The following NTRK3 variants were observed in gnomAD, a reference collection of about 807,000 sequenced individuals.
NTRK3 encodes the protein neurotrophic receptor tyrosine kinase 3.
Under a neutral mutation model 91.7 loss-of-function variants are expected in NTRK3, and 24 were observed. The ratio of observed to expected loss-of-function variants is 0.26; its 90% CI spans 0.19 to 0.37. NTRK3 has a LOEUF of 0.37. Ranked by LOEUF, NTRK3 falls within the 10% of genes least tolerant of loss-of-function variation. The pLI is 1.00. For synonymous variants in NTRK3, 483 were observed against 404.0 expected (o/e 1.20, Z -2.34); for missense variants, 880 against 1,068.9 (o/e 0.82, Z 2.46).
chr15:87,875,520 G>A (rs372365261), exon 19 of NTRK3: 42 of 232,510 alleles, frequency 1.8e-4, no homozygotes, highest in African/African-American at 7.5e-4. Context: ...AGCACTGGCC[G>A]CTCATTGGAC....
chr15:87,913,054 A>G (rs1022486715), intron 17 of NTRK3, among the ~76,000 whole-genome samples: 1 of 149,382 alleles, frequency 6.7e-6, no homozygotes, highest in African/African-American at 2.4e-5. Flanking sequence ...CTGTATCTAG[A>G]CTACTAAACA....
At chr15:88,140,736 G>T (rs1008785283) in intron 6 of NTRK3, among the ~76,000 whole-genome samples, 1 of 152,190 alleles carries the variant, frequency 6.6e-6, no homozygotes, top group Non-Finnish European at 1.5e-5. Context: ...GCAAATAATG[G>T]CTCAGTGTTA....
rs772375698 is a variant in NTRK3 at position 88,135,884 on chromosome 15, A to G, written c.907+15T>C. 13 of 1,613,794 alleles carry G rather than the reference A, an allele frequency of 8.1e-6. No homozygotes were observed. The African/African-American group carries it at 1.5e-4, about 18-fold the overall frequency. On this transcript the variant is annotated intron_variant, in intron 9 of 18. Coordinates refer to ENST00000394480, the Ensembl canonical transcript of NTRK3. ...CCCTCACACACAGCCATCCCCCACA[A>G]TAACATGCACTTACAGTAGACAGTG...
Position 88,243,140 on chromosome 15 carries a change from G to T in NTRK3, c.248+12766C>A, listed in dbSNP as rs1041922088. ...TTCCATTTCTTTCTTGCTCCTGAGT[G>T]CCTCAAAGACAAGGTTTCTGCCAAG... On this transcript the variant is annotated intron_variant, in intron 3 of 18. Transcript: ENST00000394480. This position sits in a 1 kb window ranked among gnomAD's most constrained non-coding sequence, Gnocchi z 4.8. Among the ~76,000 whole-genome samples the T allele has an allele frequency of 3.9e-5, 6 of 152,174 alleles. No individual in the cohort carries two copies. Among genetic ancestry groups the T allele is most frequent in the Non-Finnish European group, 8.8e-5 (6 of 68,028 alleles).
At chr15:87,990,575 A>G (rs1000790034) in intron 14 of NTRK3, among the ~76,000 whole-genome samples, 1 of 152,194 alleles carries the variant, frequency 6.6e-6, no homozygotes, top group African/African-American at 2.4e-5. Context: ...TTATGGTACC[A>G]TCCTGACCAG....
At chr15:87,970,139 C>G (rs991130845) in intron 14 of NTRK3, among the ~76,000 whole-genome samples, 3 of 152,170 alleles carry the variant, frequency 2.0e-5, no homozygotes, top group African/African-American at 7.2e-5. Context: ...AGGTAACTTA[C>G]CCCATGTCAT....
intron 5 of NTRK3, among the ~76,000 whole-genome samples, chr15:88,180,261 A>T (rs943580046): frequency 1.3e-5 from 2 of 152,206 alleles, no homozygotes; most frequent in Admixed American, 6.5e-5. Context: ...AAAATCCTTA[A>T]TCCAGAATTC....
exon 1 of NTRK3, chr15:88,256,724 A>G (rs2054088963): frequency 2.8e-6 from 1 of 362,168 alleles, no homozygotes; most frequent in Non-Finnish European, 4.9e-6. Flanking sequence ...GCGCGGCTGC[A>G]GAAATGTACA....
In NTRK3 at chr15:88,255,989, G is replaced by C. The variant is rs1044833262; in HGVS notation, c.165C>G (p.Pro55=). 3 of 1,613,572 alleles carry C rather than the reference G, an allele frequency of 1.9e-6. No homozygotes were observed. The highest frequency in any genetic ancestry group is 1.7e-5 in the Admixed American group (1 of 59,974). Residue 55 remains proline, a synonymous_variant, in exon 3 of 19, where the codon CCC becomes CCG. Transcript: ENST00000394480. The surrounding 1 kb of genome is among the most constrained non-coding windows in gnomAD (Gnocchi z 4.3). Reference sequence around the variant, plus strand: ...TCCCTGAATCCTGCCCTTCCAGGAGGGGGAAGAGGTTCCCATCGTCCGGCC... The same window carrying C: ...TCCCTGAATCCTGCCCTTCCAGGAGCGGGAAGAGGTTCCCATCGTCCGGCC...
intron 14 of NTRK3, among the ~76,000 whole-genome samples, chr15:87,982,406 G>T (rs938440221): frequency 6.6e-6 from 1 of 152,136 alleles, no homozygotes; most frequent in Non-Finnish European, 1.5e-5. Context: ...CAAATCAAAG[G>T]CATTTCCAAA....
At chr15:88,024,161 C>G (rs747724643) in intron 14 of NTRK3, among the ~76,000 whole-genome samples, 15 of 152,138 alleles carry the variant, frequency 9.9e-5, no homozygotes, top group Non-Finnish European at 1.6e-4. Context: ...GTTAATTGAC[C>G]CAGAAGAAAA....
intron 14 of NTRK3, among the ~76,000 whole-genome samples, chr15:87,974,935 G>A (rs1246704300): frequency 6.6e-6 from 1 of 152,134 alleles, no homozygotes; most frequent in African/African-American, 2.4e-5. Context: ...TCCAGGAGCA[G>A]AAGATGTGCT....
intron 17 of NTRK3, among the ~76,000 whole-genome samples, chr15:87,908,814 G>A (rs536567178): frequency 1.2e-4 from 19 of 152,114 alleles, no homozygotes; most frequent in African/African-American, 4.6e-4. Flanking sequence ...CAAGGCACTC[G>A]GGGCTCCACC....
intron 5 of NTRK3, among the ~76,000 whole-genome samples, chr15:88,153,389 T>C (rs997944380): frequency 1.3e-5 from 2 of 152,072 alleles, no homozygotes; most frequent in African/African-American, 2.4e-5. Flanking sequence ...ATTAAAGGCA[T>C]GTGCCACCAC....
chr15:88,207,854 G>A (rs1195654213), intron 3 of NTRK3, among the ~76,000 whole-genome samples: 1 of 152,178 alleles, frequency 6.6e-6, no homozygotes, highest in Non-Finnish European at 1.5e-5. Flanking sequence ...AAGATTCTCA[G>A]CCCCTTCCTG....
At chr15:88,063,964 A>C (rs566293320) in intron 13 of NTRK3, among the ~76,000 whole-genome samples, 1 of 152,298 alleles carries the variant, frequency 6.6e-6, no homozygotes, top group South Asian at 2.1e-4. Flanking sequence ...ATGTGACCTT[A>C]TCTGGAAATA....
At position 88,235,162 on chromosome 15, in the gene NTRK3, A is replaced by G. The variant is rs371520229; in HGVS notation, c.248+20744T>C. Among the ~76,000 whole-genome samples, 9 of 152,190 alleles carry G rather than the reference A, an allele frequency of 5.9e-5. 1 individual carries two copies. In the East Asian group the frequency reaches 9.6e-4, roughly 16 times the overall value. On this transcript the variant is annotated intron_variant, in intron 3 of 18. Transcript: ENST00000394480. This position sits in a 1 kb window ranked among gnomAD's most constrained non-coding sequence, Gnocchi z 5.2. ...AACTTCTTACTCCTGATATGATTGT[A>G]CTGATTTCTTTGCTTGCATATCAAC...
At chr15:88,162,401 A>G (rs1292984541) in intron 5 of NTRK3, among the ~76,000 whole-genome samples, 1 of 152,166 alleles carries the variant, frequency 6.6e-6, no homozygotes, top group African/African-American at 2.4e-5. Context: ...AAGGACTCAC[A>G]AAGGAAAAAG....
intron 17 of NTRK3, among the ~76,000 whole-genome samples, chr15:87,902,568 A>G (rs934038909): frequency 6.6e-6 from 1 of 152,210 alleles, no homozygotes; most frequent in Non-Finnish European, 1.5e-5. Context: ...GGAAGAAGGG[A>G]GAGAGGAAGC....
Sources: gnomAD v4.1 joint callset for allele counts (sites outside exome capture counted in the v4.1 genomes callset) on GRCh38, gnomAD v4.1.1 for gene constraint, Gnocchi (gnomAD v3.1) non-coding constraint, MANE v1.5 for transcripts, NCBI Gene and HGNC (gene_info 2026-07-23, HGNC 2026-07-21) for gene names.